Variants in GRM4 observed in about 807,000 individuals in gnomAD.
GRM4 encodes metabotropic glutamate receptor 4.
Under a neutral mutation model 81.7 loss-of-function variants are expected in GRM4, and 28 were observed. That is an observed-to-expected ratio of 0.34 (90% CI 0.25 to 0.47). GRM4 has a LOEUF of 0.47. Ranked by LOEUF, GRM4 falls within the 20% of genes least tolerant of loss-of-function variation. The pLI is 1.00. For missense variants in GRM4, 948 were observed against 1,290.0 expected (o/e 0.73, Z 4.06); for synonymous variants, 488 against 528.8 (o/e 0.92, Z 1.06).
rs1764620866 is a variant in GRM4, at chr6:34,035,119, T to G, written c.2442+549A>C. Among the ~76,000 whole-genome samples, 5 of 147,242 alleles carry G rather than the reference T, an allele frequency of 3.4e-5. No homozygotes were observed. Among genetic ancestry groups the G allele is most frequent in the East Asian group, 2.0e-4 (1 of 4,902 alleles). ...AGATGGAGGAGGGAGAAGAGAGGAG[T>G]GAACCAAAAGGAAGACAGGGTTGAG... On this transcript the variant is annotated intron_variant, in intron 9 of 10. Coordinates refer to ENST00000538487, the MANE Select transcript of GRM4 (RefSeq NM_000841.4). This position sits in a 1 kb window ranked among gnomAD's most constrained non-coding sequence, Gnocchi z 6.6.
chr6:34,022,994 C>G lies in GRM4; in HGVS notation c.2690-124G>C. 1.3e-6 allele frequency: 1 copy of G among 793,610 alleles called. No individual in the cohort carries two copies. Among genetic ancestry groups the G allele is most frequent in the Non-Finnish European group, 2.2e-6 (1 of 455,968 alleles). The allele number at this position is 793,610 out of a possible 1,614,324, so 49.2% of individuals were successfully genotyped here. A position where few individuals can be genotyped will look rare whatever the true frequency, so the allele number is the denominator to read the frequency against. On this transcript the variant is annotated intron_variant, in intron 10 of 10. Transcript: ENST00000538487. This position sits in a 1 kb window ranked among gnomAD's most constrained non-coding sequence, Gnocchi z 5.6. ...CTCCCCGCCTCTCATGGCATCCAGT[C>G]CTGAGCTGAGCAATCGACACTGCCC... is the stretch of plus-strand genomic sequence containing the variant.
At chr6:34,093,357 C>A (rs1456742886) in intron 2 of GRM4, among the ~76,000 whole-genome samples, 2 of 152,246 alleles carry the variant, frequency 1.3e-5, no homozygotes, top group East Asian at 3.8e-4. Context: ...GACCTAGAAG[C>A]CCCACCTCAA....
chr6:34,123,425 A>G (rs1041761381), intron 2 of GRM4, among the ~76,000 whole-genome samples: 5 of 152,164 alleles, frequency 3.3e-5, no homozygotes, highest in African/African-American at 1.2e-4. Context: ...GATGAGGACA[A>G]ACATGACCGG....
rs1371947860 is a variant in GRM4 at position 34,133,381 on chromosome 6, T to C, written c.116A>G (p.His39Arg). 3 of 1,613,750 alleles carry C rather than the reference T, an allele frequency of 1.9e-6. No individual in the cohort carries two copies. In the African/African-American group the frequency reaches 4.0e-5, roughly 22 times the overall value. Residue 39 changes from histidine (H) to arginine (R), a missense_variant, in exon 2 of 11, where the codon CAC (histidine) becomes CGC (arginine). By Grantham distance (29) the His-to-Arg change is conservative. Transcript: ENST00000538487. The surrounding 1 kb of genome is among the most constrained non-coding windows in gnomAD (Gnocchi z 6.5). ...CCCATCTATGCGGATGGAATTCATG[T>C]GAGGGTGGCCTTTGGGCTTTCCCAG... ...SSLGKPKGHP[H>R]MNSIRIDGDI...
rs1769754127 is a variant in GRM4, at chr6:34,120,205, G to A, written c.519+12773C>T. 2.0e-5 allele frequency among the ~76,000 whole-genome samples: 3 copies of A among 152,184 alleles called. No homozygotes were observed. The South Asian group carries it at 6.2e-4, about 32-fold the overall frequency. On this transcript the variant is annotated intron_variant, in intron 2 of 10. Coordinates refer to ENST00000538487, the MANE Select transcript of GRM4 (RefSeq NM_000841.4). ...TGAATAAAGGCTCATTCAGGAGAGA[G>A]AGAAACCCATCTTTGAAGGAGACCC...
chr6:34,058,116 G>A lies in GRM4; in HGVS notation c.1027+858C>T, dbSNP rs142220822. 8.2e-4 allele frequency among the ~76,000 whole-genome samples: 125 copies of A among 152,264 alleles called. 1 individual carries two copies. The highest frequency in any genetic ancestry group is 2.4e-3 in the Admixed American group (36 of 15,306). ...CAGGTGTGGATGTGGGGGGACAGATGTGGTCTTTGCAGGGACAGGCATGGG... is the reference window on the plus strand; with the variant it reads ...CAGGTGTGGATGTGGGGGGACAGATATGGTCTTTGCAGGGACAGGCATGGG... On this transcript the variant is annotated intron_variant, in intron 5 of 10. Transcript: ENST00000538487.
At chr6:34,149,302 C>T (rs1364133235), upstream of GRM4, among the ~76,000 whole-genome samples, 1 of 152,220 alleles carries the variant, frequency 6.6e-6, no homozygotes, top group Non-Finnish European at 1.5e-5. Flanking sequence ...GCTGACCCAG[C>T]CATCACCTCA....
At chr6:34,104,560 T>A (rs1360761508) in intron 2 of GRM4, among the ~76,000 whole-genome samples, 7 of 152,150 alleles carry the variant, frequency 4.6e-5, no homozygotes, top group Admixed American at 4.6e-4. Flanking sequence ...CAAAGTGAGA[T>A]TTGAACCCAG....
intron 9 of GRM4, among the ~76,000 whole-genome samples, chr6:34,031,086 C>T (rs1764388925): frequency 6.6e-6 from 1 of 152,190 alleles, no homozygotes; most frequent in African/African-American, 2.4e-5. Flanking sequence ...GCAGGTTAAC[C>T]CTTATCAGAG....
chr6:34,136,563 G>GACACACACACACACAC lies in GRM4; in HGVS notation c.-363-2720_-363-2705dup, dbSNP rs10635207. 3.2e-3 allele frequency among the ~76,000 whole-genome samples: 456 copies of GACACACACACACACAC among 142,528 alleles called. 5 individuals carry two copies. Among genetic ancestry groups the GACACACACACACACAC allele is most frequent in the Admixed American group, 6.1e-3 (88 of 14,518 alleles). The allele number at this position is 142,528 out of a possible 152,430, so 93.5% of individuals were successfully genotyped here. On this transcript the variant is annotated intron_variant, in intron 1 of 10. Coordinates refer to ENST00000538487, the MANE Select transcript of GRM4 (RefSeq NM_000841.4). The surrounding 1 kb of genome is among the most constrained non-coding windows in gnomAD (Gnocchi z 4.1). Reference sequence around the variant, plus strand: ...GCTGAGCAGTGCATGCGCGCGTGCGGACACACACACACACACACACACACA... The same window carrying GACACACACACACACAC: ...GCTGAGCAGTGCATGCGCGCGTGCGGACACACACACACACACACACACACACACACACACACACACA...
rs891472512 is a variant in GRM4 at position 34,121,599 on chromosome 6, A to G, written c.519+11379T>C. On this transcript the variant is annotated intron_variant, in intron 2 of 10. Transcript: ENST00000538487. This position sits in a 1 kb window ranked among gnomAD's most constrained non-coding sequence, Gnocchi z 4.6. Reference sequence around the variant, plus strand: ...GCCCTGGAGGTGGCTGGAGACCAGGAGCAGGCAGCACCTTCGAGGCAGATC... The same window carrying G: ...GCCCTGGAGGTGGCTGGAGACCAGGGGCAGGCAGCACCTTCGAGGCAGATC... Among the ~76,000 whole-genome samples, 2 of 152,188 alleles carry G rather than the reference A, an allele frequency of 1.3e-5. No individual in the cohort carries two copies. The highest frequency in any genetic ancestry group is 2.9e-5 in the Non-Finnish European group (2 of 68,024).
chr6:34,120,380 A>C (rs1769762829), intron 2 of GRM4, among the ~76,000 whole-genome samples: 1 of 152,078 alleles, frequency 6.6e-6, no homozygotes, highest in South Asian at 2.1e-4. Flanking sequence ...GGAGGCAAGG[A>C]AGGCAGGTGA....
intron 9 of GRM4, among the ~76,000 whole-genome samples, chr6:34,029,147 C>G (rs890235063): frequency 5.3e-5 from 8 of 152,226 alleles, no homozygotes; most frequent in Non-Finnish European, 1.0e-4. Context: ...GTCCTCCAGG[C>G]CTCAGCCGCC....
chr6:34,108,308 C>T lies in GRM4; in HGVS notation c.520-16209G>A, dbSNP rs190032590. ...AATAAGAGTTAACAGCTCTCAAGCACTTATGATGTGCCAGCCTCTGCTCTC... is the reference window on the plus strand; with the variant it reads ...AATAAGAGTTAACAGCTCTCAAGCATTTATGATGTGCCAGCCTCTGCTCTC... On this transcript the variant is annotated intron_variant, in intron 2 of 10. Coordinates refer to ENST00000538487, the MANE Select transcript of GRM4 (RefSeq NM_000841.4). Among the ~76,000 whole-genome samples, 40 of 152,372 alleles carry T rather than the reference C, an allele frequency of 2.6e-4. No homozygotes were observed. The East Asian group carries it at 6.4e-3, about 24-fold the overall frequency.
rs1766382057 is a variant in GRM4, at chr6:34,064,995, C to T, written c.737-2967G>A. Among the ~76,000 whole-genome samples, 1 of 152,144 alleles carries T rather than the reference C, an allele frequency of 6.6e-6. No homozygotes were observed. The highest frequency in any genetic ancestry group is 6.5e-5 in the Admixed American group (1 of 15,280). Reference sequence around the variant, plus strand: ...CGGAGAGGCCCCCATTTCCTGCAGCCGCTCCTGGACAGTTCCCTTTCCTTG... The same window carrying T: ...CGGAGAGGCCCCCATTTCCTGCAGCTGCTCCTGGACAGTTCCCTTTCCTTG... On this transcript the variant is annotated intron_variant, in intron 3 of 10. Coordinates refer to ENST00000538487, the MANE Select transcript of GRM4 (RefSeq NM_000841.4). This position sits in a 1 kb window ranked among gnomAD's most constrained non-coding sequence, Gnocchi z 4.4.
At chr6:34,145,284 G>T (rs957478315) in intron 1 of GRM4, among the ~76,000 whole-genome samples, 12 of 151,812 alleles carry the variant, frequency 7.9e-5, no homozygotes, top group African/African-American at 2.2e-4. Flanking sequence ...ATGAGCTGGC[G>T]GCCGCCCGGC....
intron 10 of GRM4, 55 bp downstream of exon 10, chr6:34,028,065 T>C (rs571040669): frequency 1.2e-4 from 184 of 1,552,408 alleles, no homozygotes; most frequent in Admixed American, 1.9e-4. Context: ...GCCCACCTGC[T>C]GCAAAAGGAG....
intron 1 of GRM4, among the ~76,000 whole-genome samples, chr6:34,145,016 C>T (rs1207293088): frequency 2.0e-5 from 3 of 152,104 alleles, no homozygotes. Context: ...CCGATGTCCC[C>T]GCCGCAGCCC....
chr6:34,034,065 C>T lies in GRM4; in HGVS notation c.2442+1603G>A, dbSNP rs1562011346. ...TGGGCTCACAGCTCTAGATGCCAGG[C>T]TCAGGCTGACAACTCCTCAGATATG... On this transcript the variant is annotated intron_variant, in intron 9 of 10. Coordinates refer to ENST00000538487, the MANE Select transcript of GRM4 (RefSeq NM_000841.4). The surrounding 1 kb of genome is among the most constrained non-coding windows in gnomAD (Gnocchi z 4.0). 6.6e-6 allele frequency among the ~76,000 whole-genome samples: 1 copy of T among 152,210 alleles called. No individual in the cohort carries two copies. The highest frequency in any genetic ancestry group is 1.5e-5 in the Non-Finnish European group (1 of 68,036).
Sources: gnomAD v4.1 joint callset for allele counts (sites outside exome capture counted in the v4.1 genomes callset) on GRCh38, gnomAD v4.1.1 for gene constraint, Gnocchi (gnomAD v3.1) non-coding constraint, MANE v1.5 for transcripts, NCBI Gene and HGNC (gene_info 2026-07-23, HGNC 2026-07-21) for gene names.